The following SRGAP2 variants were observed in gnomAD, a reference collection of about 807,000 sequenced individuals.
The protein encoded by SRGAP2 is SLIT-ROBO Rho GTPase activating protein 2, also known as SLIT-ROBO Rho GTPase-activating protein 2.
A neutral mutation model predicts 57.2 loss-of-function variants in SRGAP2; 15 were observed. That is an observed-to-expected ratio of 0.26 (90% CI 0.18 to 0.40). The LOEUF (loss-of-function observed/expected upper bound fraction) is 0.40. Ranked by LOEUF, SRGAP2 falls within the 10% of genes least tolerant of loss-of-function variation. The pLI, the probability that SRGAP2 is intolerant of heterozygous loss-of-function variation, is 1.00. For missense variants in SRGAP2, 520 were observed against 669.6 expected (o/e 0.78, Z 2.47); for synonymous variants, 249 against 248.0 (o/e 1.00, Z -0.04).
intron 20 of SRGAP2, chr1:206,453,872 G>A (rs1553377166): frequency 7.0e-6 from 3 of 427,574 alleles, no homozygotes; most frequent in African/African-American, 6.0e-5. Flanking sequence ...TTATGGAAGT[G>A]ACCTAGTTCA....
At chr1:206,421,108 G>T in intron 12 of SRGAP2, 142 bp from the exon 13 acceptor site, 1 of 532,968 alleles carries the variant, frequency 1.9e-6, no homozygotes. Context: ...ATGTTTCATT[G>T]GCTACCACAC....
intron 7 of SRGAP2, 51 bp from the exon 8 acceptor site, chr1:206,401,370 C>T (rs1219232877): frequency 3.0e-6 from 2 of 670,534 alleles, no homozygotes; most frequent in African/African-American, 3.7e-5. Flanking sequence ...CCTTTTCTGC[C>T]AAGCCTTGGG....
In SRGAP2 at chr1:206,311,537, T is replaced by C. The variant is rs531450153; in HGVS notation, c.260+8064T>C. Reference sequence around the variant, plus strand: ...AAAGGAAGCATTTTAGATAGAGCAGTATTAGAAAAGGCTAACAGAAGTGAG... The same window carrying C: ...AAAGGAAGCATTTTAGATAGAGCAGCATTAGAAAAGGCTAACAGAAGTGAG... On this transcript the variant is annotated intron_variant, in intron 3 of 22. Coordinates refer to ENST00000573034, the MANE Select transcript of SRGAP2 (RefSeq NM_015326.5). Among the ~76,000 whole-genome samples, 443 of 152,300 alleles carry C rather than the reference T, an allele frequency of 2.9e-3. 1 individual carries two copies. Among genetic ancestry groups the C allele is most frequent in the African/African-American group, 0.01 (432 of 41,564 alleles).
intron 13 of SRGAP2, among the ~76,000 whole-genome samples, chr1:206,425,446 A>T (rs1327688662): frequency 6.6e-6 from 1 of 152,206 alleles, no homozygotes; most frequent in Non-Finnish European, 1.5e-5. Flanking sequence ...AACTATTATT[A>T]TCCTACTGTG....
intron 10 of SRGAP2, among the ~76,000 whole-genome samples, chr1:206,415,539 CAGAT>C (rs1316109406): frequency 6.6e-6 from 1 of 152,172 alleles, no homozygotes; most frequent in African/African-American, 2.4e-5. Flanking sequence ...GTGGAGGTGA[CAGAT>C]AGCAGGTGTG....
At chr1:206,267,897 G>GA (rs1180863243) in intron 2 of SRGAP2, among the ~76,000 whole-genome samples, 1 of 150,056 alleles carries the variant, frequency 6.7e-6, no homozygotes, top group African/African-American at 2.5e-5. Flanking sequence ...ATTCTCAATA[G>GA]AAAAAAAAGG....
In SRGAP2 at chr1:206,461,187, C is replaced by T; in HGVS notation, c.2983C>T (p.Pro995Ser). 1.3e-6 allele frequency: 1 copy of T among 780,674 alleles called. No homozygotes were observed. The highest frequency in any genetic ancestry group is 2.4e-6 in the Non-Finnish European group (1 of 417,874). The allele number at this position is 780,674 out of a possible 1,614,324, so 48.4% of individuals were successfully genotyped here. The change falls in exon 23 of 23, where the codon CCT (proline) becomes TCT (serine). Residue 995 changes from proline (P) to serine (S), a missense_variant. By Grantham distance (74) the Pro-to-Ser change is moderately conservative. This residue lies in a region of SRGAP2 where 478 missense variants were observed against 373.6 expected (regional missense o/e 1.28). Coordinates refer to ENST00000573034, the MANE Select transcript of SRGAP2 (RefSeq NM_015326.5). The part of the protein sequence containing the change: ...VVAPTSEPSS[P>S]LHTQLLKDPE... ...GGCCCCCACGTCAGAGCCCTCCAGC[C>T]CTCTGCACACCCAGCTCCTCAAGGA...
rs1247352022 is a variant in SRGAP2, at chr1:206,453,802, A to G, written c.2360+422A>G. The stretch of plus-strand genomic sequence containing the variant: ...TATGCTCACCCCAACCTGTTGAGCC[A>G]CTCTTCCACTTGCAAATTAAAATGA... On this transcript the variant is annotated intron_variant, in intron 20 of 22. Coordinates refer to ENST00000573034, the MANE Select transcript of SRGAP2 (RefSeq NM_015326.5). 5.6e-5 allele frequency: 17 copies of G among 301,424 alleles called. No homozygotes were observed. In the East Asian group the frequency reaches 1.0e-3, roughly 18 times the overall value. 18.7% of individuals were successfully genotyped at this position (301,424 alleles called of 1,614,324 possible). A position where few individuals can be genotyped will look rare whatever the true frequency, so the allele number is the denominator to read the frequency against.
intron 2 of SRGAP2, among the ~76,000 whole-genome samples, chr1:206,292,094 A>C (rs1203498045): frequency 6.6e-5 from 10 of 151,980 alleles, no homozygotes; most frequent in African/African-American, 2.4e-4. Context: ...GAGATTGCTT[A>C]TAAGTTGACT....
chr1:206,441,914 T>C (rs1421567171), intron 17 of SRGAP2, among the ~76,000 whole-genome samples: 1 of 152,214 alleles, frequency 6.6e-6, no homozygotes, highest in East Asian at 1.9e-4. Context: ...AGAACAAAAA[T>C]GTTTCTCTGG....
At chr1:206,237,294 G>A (rs1314277256) in intron 2 of SRGAP2, among the ~76,000 whole-genome samples, 1 of 152,002 alleles carries the variant, frequency 6.6e-6, no homozygotes, top group African/African-American at 2.4e-5. Context: ...TGTCTCAGAG[G>A]GGGGAAAAAA....
chr1:206,212,206 G>A (rs1450395482), intron 2 of SRGAP2, among the ~76,000 whole-genome samples: 31 of 149,756 alleles, frequency 2.1e-4, no homozygotes, highest in Admixed American at 6.0e-4. Context: ...TTCAGATGGG[G>A]TCTCACTCTG....
Position 206,454,049 on chromosome 1 carries a change from C to G in SRGAP2, c.2360+669C>G, listed in dbSNP as rs766089698. 1.4e-6 allele frequency: 1 copy of G among 696,798 alleles called. No homozygotes were observed. Among genetic ancestry groups the G allele is most frequent in the South Asian group, 1.5e-5 (1 of 66,608 alleles). The allele number at this position is 696,798 out of a possible 1,614,324, so 43.2% of individuals were successfully genotyped here. ...CCCGTGGGCCCACCCAAGCCTGCCC[C>G]CTGTCCGTTTGCCCTGTCTCTGTCC... On this transcript the variant is annotated intron_variant, in intron 20 of 22. Coordinates refer to ENST00000573034, the MANE Select transcript of SRGAP2 (RefSeq NM_015326.5). The surrounding 1 kb of genome is among the most constrained non-coding windows in gnomAD (Gnocchi z 4.3).
intron 14 of SRGAP2, 41 bp downstream of exon 14, chr1:206,430,263 T>G (rs1553367937): frequency 2.6e-6 from 2 of 780,018 alleles, no homozygotes; most frequent in South Asian, 2.7e-5. Context: ...GTGCAAAGAT[T>G]GGGAAGAACT....
intron 2 of SRGAP2, among the ~76,000 whole-genome samples, chr1:206,229,966 A>ACC (rs1431425534): frequency 4.0e-5 from 6 of 148,658 alleles, no homozygotes; most frequent in African/African-American, 1.5e-4. Flanking sequence ...ACACACACAC[A>ACC]CCTTACCTTA....
Position 206,461,245 on chromosome 1 carries a change from C to G in SRGAP2, c.3041C>G (p.Thr1014Ser), listed in dbSNP as rs1553380571. Reference protein sequence around the residue: ...PEPAFQRSASTAGDIACAFRP... With the variant: ...PEPAFQRSASSAGDIACAFRP... ...CCCGCCTTCCAGCGCAGCGCCAGTA[C>G]TGCTGGGGACATCGCCTGCGCCTTC... The change falls in exon 23 of 23, where the codon ACT (threonine) becomes AGT (serine). Residue 1014 changes from threonine (T) to serine (S), a missense_variant. Coordinates refer to ENST00000573034, the MANE Select transcript of SRGAP2 (RefSeq NM_015326.5). The G allele has an allele frequency of 1.3e-6, 1 of 780,896 alleles. No individual in the cohort carries two copies. The highest frequency in any genetic ancestry group is 1.3e-5 in the South Asian group (1 of 74,620). 48.4% of individuals were successfully genotyped at this position (780,896 alleles called of 1,614,324 possible).
At chr1:206,255,248 C>G (rs531181436) in intron 2 of SRGAP2, among the ~76,000 whole-genome samples, 1 of 151,392 alleles carries the variant, frequency 6.6e-6, no homozygotes, top group East Asian at 2.0e-4. Context: ...TGGCCTGTCT[C>G]GTCAGGTTGG....
At chr1:206,366,513 A>G (rs561771637) in intron 4 of SRGAP2, among the ~76,000 whole-genome samples, 6 of 151,830 alleles carry the variant, frequency 4.0e-5, no homozygotes, top group African/African-American at 1.4e-4. Flanking sequence ...GGGGGTGGGG[A>G]CGATCATGGG....
At chr1:206,210,382 C>T (rs1325924733) in intron 2 of SRGAP2, among the ~76,000 whole-genome samples, 4 of 111,988 alleles carry the variant, frequency 3.6e-5, no homozygotes, top group South Asian at 3.1e-4. Flanking sequence ...TTTTCTTTCT[C>T]GAGAACATTA....
Sources: gnomAD v4.1 joint callset for allele counts (sites outside exome capture counted in the v4.1 genomes callset) on GRCh38, gnomAD v4.1.1 for gene constraint, gnomAD v4.1.1 regional missense constraint, Gnocchi (gnomAD v3.1) non-coding constraint, MANE v1.5 for transcripts, NCBI Gene and HGNC (gene_info 2026-07-23, HGNC 2026-07-21) for gene names.